PTPRD: variants seen among roughly 807,000 people sequenced by gnomAD.
The protein encoded by PTPRD is protein tyrosine phosphatase receptor type D.
PTPRD carries 34 observed loss-of-function variants against 214.5 expected under a neutral mutation model. That is an observed-to-expected ratio of 0.16 (90% confidence interval 0.12 to 0.21). The LOEUF (loss-of-function observed/expected upper bound fraction) is 0.21, where lower values mean the gene tolerates loss of function less well. Ranked by LOEUF, PTPRD falls within the 10% of genes least tolerant of loss-of-function variation. The probability of loss-of-function intolerance (pLI) is 1.00; values close to 1 mark genes in which losing one functional copy is unlikely to be tolerated. For synonymous variants in PTPRD, 1,128 were observed against 845.7 expected, an observed-to-expected ratio of 1.33 and a Z score of -5.79; for missense variants, 2,545 against 2,398.7, an observed-to-expected ratio of 1.06 and a Z score of -1.27.
chr9:8,855,748 T>C lies in PTPRD; in HGVS notation c.-103-121802A>G, dbSNP rs550594080. On this transcript the variant is annotated intron_variant, in intron 11 of 45. Transcript: ENST00000381196. ...ACTCACATTGGAGTCCATCTATTTTTAAAGATCTACAATTAATAACACCCA... is the reference window on the plus strand; with the variant it reads ...ACTCACATTGGAGTCCATCTATTTTCAAAGATCTACAATTAATAACACCCA... 2.0e-5 allele frequency among the ~76,000 whole-genome samples: 3 copies of C among 152,294 alleles called. No individual in the cohort carries two copies. In the East Asian group the frequency reaches 5.8e-4, roughly 29 times the overall value.
intron 11 of PTPRD, among the ~76,000 whole-genome samples, chr9:8,796,441 C>T (rs1407487181): frequency 1.3e-5 from 2 of 152,134 alleles, no homozygotes; most frequent in African/African-American, 2.4e-5. Context: ...TTACAATTAT[C>T]AGCAGCTCAG....
chr9:8,571,911 G>T (rs540382625), intron 14 of PTPRD, among the ~76,000 whole-genome samples: 6 of 152,204 alleles, frequency 3.9e-5, no homozygotes, highest in Admixed American at 3.3e-4. Flanking sequence ...TCTAGTGATG[G>T]TTTGGTCATG....
intron 12 of PTPRD, among the ~76,000 whole-genome samples, chr9:8,651,142 G>C (rs2096798391): frequency 6.6e-6 from 1 of 152,160 alleles, no homozygotes; most frequent in Non-Finnish European, 1.5e-5. Flanking sequence ...TGAAGAGAAA[G>C]AATCTATATT....
At chr9:9,211,025 G>T (rs531406660) in intron 9 of PTPRD, among the ~76,000 whole-genome samples, 1 of 151,838 alleles carries the variant, frequency 6.6e-6, no homozygotes, top group Non-Finnish European at 1.5e-5. Flanking sequence ...AATAATGTTT[G>T]CTTAAAGAGC....
At chr9:9,135,585 T>C (rs936062898) in intron 10 of PTPRD, among the ~76,000 whole-genome samples, 4 of 152,154 alleles carry the variant, frequency 2.6e-5, no homozygotes, top group Non-Finnish European at 5.9e-5. Context: ...CTAAGTGCGA[T>C]AGGAGACACT....
At chr9:9,127,639 A>C (rs985641736) in intron 10 of PTPRD, among the ~76,000 whole-genome samples, 2 of 152,230 alleles carry the variant, frequency 1.3e-5, no homozygotes, top group Non-Finnish European at 2.9e-5. Context: ...TACCACATTC[A>C]GATATATGCT....
At chr9:10,125,609 C>T (rs1563973800) in intron 3 of PTPRD, among the ~76,000 whole-genome samples, 1 of 143,294 alleles carries the variant, frequency 7.0e-6, no homozygotes, top group Admixed American at 7.2e-5. Context: ...CGTGCGCTAC[C>T]ACGCTCGGCT....
At chr9:9,865,106 A>G (rs1390797446) in intron 5 of PTPRD, among the ~76,000 whole-genome samples, 3 of 152,170 alleles carry the variant, frequency 2.0e-5, no homozygotes, top group Non-Finnish European at 4.4e-5. Context: ...TTTCTAAAAG[A>G]TCATAGACAA....
intron 9 of PTPRD, among the ~76,000 whole-genome samples, chr9:9,281,764 T>G (rs996250092): frequency 2.6e-5 from 4 of 151,280 alleles, no homozygotes; most frequent in African/African-American, 9.7e-5. Context: ...CTCAAGTAAG[T>G]TGAAAACTTA....
chr9:8,760,704 G>A (rs764506576), intron 11 of PTPRD, among the ~76,000 whole-genome samples: 33 of 151,540 alleles, frequency 2.2e-4, no homozygotes, highest in Admixed American at 1.1e-3. Flanking sequence ...ATTCTTAATG[G>A]GAATGTATAT....
At chr9:9,152,182 C>G (rs1055558598) in intron 10 of PTPRD, among the ~76,000 whole-genome samples, 8 of 152,148 alleles carry the variant, frequency 5.3e-5, no homozygotes, top group Non-Finnish European at 8.8e-5. Flanking sequence ...CTAACTAGCT[C>G]CATGTCTAAT....
At chr9:9,356,328 G>A (rs2053772788) in intron 9 of PTPRD, among the ~76,000 whole-genome samples, 3 of 151,338 alleles carry the variant, frequency 2.0e-5, no homozygotes, top group Non-Finnish European at 3.0e-5. Context: ...CTGCTAGAAT[G>A]AGGTCTTTGG....
In PTPRD at chr9:8,504,314, G is replaced by A. The variant is rs368873301; in HGVS notation, c.1769C>T (p.Pro590Leu). 43 of 1,614,058 alleles carry A rather than the reference G, an allele frequency of 2.7e-5. No homozygotes were observed. The highest frequency in any genetic ancestry group is 6.7e-5 in the Admixed American group (4 of 60,002). The change falls in exon 23 of 46, where the codon CCT (proline) becomes CTT (leucine). Residue 590 changes from proline (P) to leucine (L), a missense_variant. Physicochemically the swap from Pro to Leu is moderately conservative, Grantham distance 98 (BLOSUM62 -3). Transcript: ENST00000381196. ...LYYFRLAARSPQGLGASTAEI... is the reference protein window; with the variant it reads ...LYYFRLAARSLQGLGASTAEI... Reference sequence around the variant, plus strand: ...TGCAGTAGAAGCACCCAGGCCTTGAGGGGAGCGTGCAGCCAGACGGAAATA... The same window carrying A: ...TGCAGTAGAAGCACCCAGGCCTTGAAGGGAGCGTGCAGCCAGACGGAAATA...
chr9:9,329,884 C>T (rs1350950220), intron 9 of PTPRD, among the ~76,000 whole-genome samples: 1 of 152,126 alleles, frequency 6.6e-6, no homozygotes, highest in Non-Finnish European at 1.5e-5. Flanking sequence ...CTACATAAGC[C>T]AATTCCCTCA....
At chr9:9,160,016 C>T (rs1220239543) in intron 10 of PTPRD, among the ~76,000 whole-genome samples, 2 of 152,128 alleles carry the variant, frequency 1.3e-5, no homozygotes, top group Non-Finnish European at 2.9e-5. Flanking sequence ...AAGAATGACA[C>T]TGTATCTTTA....
At chr9:9,104,309 AT>A (rs56950204) in intron 10 of PTPRD, among the ~76,000 whole-genome samples, 6,435 of 152,184 alleles carry the variant, frequency 0.042, 236 homozygotes, top group African/African-American at 0.1. Context: ...ATTCTTTTGA[AT>A]TTTTTTCCCC....
chr9:8,920,000 T>C (rs1311058403), intron 11 of PTPRD, among the ~76,000 whole-genome samples: 4 of 145,810 alleles, frequency 2.7e-5, no homozygotes, highest in African/African-American at 9.7e-5. Flanking sequence ...CAGGAGTATA[T>C]ATATATAATG....
chr9:8,719,929 GA>G (rs2098474630), intron 12 of PTPRD, among the ~76,000 whole-genome samples: 1 of 152,058 alleles, frequency 6.6e-6, no homozygotes, highest in Non-Finnish European at 1.5e-5. Flanking sequence ...AGTTCCAGAG[GA>G]AACTGCAGGT....
At chr9:10,565,308 T>C (rs551790970) in intron 2 of PTPRD, among the ~76,000 whole-genome samples, 1 of 152,292 alleles carries the variant, frequency 6.6e-6, no homozygotes, top group Non-Finnish European at 1.5e-5. Context: ...CTCAACTTCA[T>C]CATTTTAATG....
Sources: gnomAD v4.1 joint callset for allele counts (sites outside exome capture counted in the v4.1 genomes callset) on GRCh38, gnomAD v4.1.1 for gene constraint, MANE v1.5 for transcripts, NCBI Gene and HGNC (gene_info 2026-07-23, HGNC 2026-07-21) for gene names.